The following NTNG1 variants were observed in gnomAD, a reference collection of about 807,000 sequenced individuals.
The protein encoded by NTNG1 is netrin G1.
In NTNG1, 16 loss-of-function variants were observed where a neutral mutation model predicts 54.0. That is an observed-to-expected ratio of 0.30 (90% CI 0.20 to 0.45). The LOEUF (loss-of-function observed/expected upper bound fraction) is 0.45, where lower values mean the gene tolerates loss of function less well. Among genes scored for constraint, NTNG1 ranks in the 20% least tolerant of loss-of-function variants. The pLI, the probability that NTNG1 is intolerant of heterozygous loss-of-function variation, is 1.00. For synonymous variants in NTNG1, 255 were observed against 263.1 expected (o/e 0.97, Z 0.30); for missense variants, 530 against 678.7 (o/e 0.78, Z 2.43).
intron 3 of NTNG1, among the ~76,000 whole-genome samples, chr1:107,366,587 A>G (rs767140112): frequency 6.6e-6 from 1 of 152,180 alleles, no homozygotes; most frequent in Non-Finnish European, 1.5e-5. Context: ...AGCTCTCTGT[A>G]TATGTGTTTA....
chr1:107,302,613 T>G (rs999816501), intron 2 of NTNG1, among the ~76,000 whole-genome samples: 1 of 151,900 alleles, frequency 6.6e-6, no homozygotes, highest in Non-Finnish European at 1.5e-5. Flanking sequence ...CAGTAGTGAG[T>G]CTTAATATAT....
intron 3 of NTNG1, among the ~76,000 whole-genome samples, chr1:107,388,027 G>A (rs931612784): frequency 1.3e-5 from 2 of 152,128 alleles, no homozygotes; most frequent in African/African-American, 4.8e-5. Context: ...TTTATAGTCT[G>A]TAGTTATTCT....
chr1:107,186,143 C>A (rs973101969), intron 2 of NTNG1, among the ~76,000 whole-genome samples: 3 of 152,074 alleles, frequency 2.0e-5, no homozygotes, highest in Admixed American at 1.3e-4. Flanking sequence ...TTAGTTATTT[C>A]ACTTAGGATA....
intron 7 of NTNG1, among the ~76,000 whole-genome samples, chr1:107,439,919 A>G (rs1675863196): frequency 6.6e-6 from 1 of 151,964 alleles, no homozygotes; most frequent in African/African-American, 2.4e-5. Flanking sequence ...AATGCACTCA[A>G]AAATGCCCCT....
At chr1:107,272,668 T>A (rs1242242040) in intron 2 of NTNG1, among the ~76,000 whole-genome samples, 1 of 152,170 alleles carries the variant, frequency 6.6e-6, no homozygotes, top group Non-Finnish European at 1.5e-5. Context: ...CATTTCCCCA[T>A]GTATACAGTT....
At chr1:107,413,374 G>A (rs1673972274) in intron 5 of NTNG1, among the ~76,000 whole-genome samples, 1 of 151,876 alleles carries the variant, frequency 6.6e-6, no homozygotes, top group Non-Finnish European at 1.5e-5. Flanking sequence ...CACCCTATTA[G>A]CCAGGATGGT....
At chr1:107,250,546 A>T (rs145932599) in intron 2 of NTNG1, among the ~76,000 whole-genome samples, 1,727 of 148,154 alleles carry the variant, frequency 0.012, 31 homozygotes, top group African/African-American at 0.041. Context: ...GTATCCCAGA[A>T]CTGAAAGTAT....
chr1:107,378,472 C>T (rs1671438102), intron 3 of NTNG1, among the ~76,000 whole-genome samples: 1 of 152,188 alleles, frequency 6.6e-6, no homozygotes, highest in Non-Finnish European at 1.5e-5. Context: ...GATGGATACA[C>T]ATTGGTCTTG....
At chr1:107,356,964 C>CT (rs1380705955) in intron 3 of NTNG1, among the ~76,000 whole-genome samples, 1 of 152,124 alleles carries the variant, frequency 6.6e-6, no homozygotes, top group Non-Finnish European at 1.5e-5. Flanking sequence ...GATCATGCCA[C>CT]TGCACTCCAG....
intron 2 of NTNG1, among the ~76,000 whole-genome samples, chr1:107,180,401 T>C (rs1047933194): frequency 1.3e-5 from 2 of 152,154 alleles, no homozygotes; most frequent in Non-Finnish European, 2.9e-5. Context: ...GCATTTTACA[T>C]CAAGACTCAG....
intron 2 of NTNG1, among the ~76,000 whole-genome samples, chr1:107,235,286 C>T (rs573087997): frequency 8.6e-4 from 131 of 151,884 alleles, no homozygotes; most frequent in African/African-American, 2.9e-3. Flanking sequence ...TCCATGGACC[C>T]ACTGGACTTT....
intron 3 of NTNG1, among the ~76,000 whole-genome samples, chr1:107,393,273 A>C (rs1672476156): frequency 6.6e-6 from 1 of 152,186 alleles, no homozygotes; most frequent in Non-Finnish European, 1.5e-5. Context: ...ATATGGTGCT[A>C]AATCAGTATA....
intron 3 of NTNG1, among the ~76,000 whole-genome samples, chr1:107,358,665 G>GA (rs200994855): frequency 0.095 from 13,519 of 142,808 alleles, 711 homozygotes; most frequent in East Asian, 0.16. Context: ...ATCATTCCAG[G>GA]AAAAAAAAAA....
chr1:107,377,893 A>G (rs1671399407), intron 3 of NTNG1, among the ~76,000 whole-genome samples: 1 of 152,232 alleles, frequency 6.6e-6, no homozygotes, highest in Non-Finnish European at 1.5e-5. Context: ...GGGCATTCCC[A>G]ACAAGAGTGG....
At chr1:107,152,706 T>C (rs1329030576) in intron 2 of NTNG1, among the ~76,000 whole-genome samples, 1 of 152,146 alleles carries the variant, frequency 6.6e-6, no homozygotes, top group Non-Finnish European at 1.5e-5. Context: ...TATTAAAAAG[T>C]CTTCTGTGCA....
intron 3 of NTNG1, among the ~76,000 whole-genome samples, chr1:107,368,219 T>C (rs527934684): frequency 3.9e-5 from 6 of 152,228 alleles, no homozygotes; most frequent in Admixed American, 1.3e-4. Context: ...CTTCCTTCTG[T>C]TTCTCCCCTC....
chr1:107,310,412 A>G (rs901841840), intron 2 of NTNG1, among the ~76,000 whole-genome samples: 5 of 152,180 alleles, frequency 3.3e-5, no homozygotes, highest in Non-Finnish European at 7.4e-5. Context: ...AACATCTAAC[A>G]TAGTGCTTGG....
At position 107,478,839 on chromosome 1, in the gene NTNG1, C is replaced by T. The variant is rs115949638; in HGVS notation, c.1391-1772C>T. ...ATATGCTTTCCAAATTAACTAAAGC[C>T]AAAAAACAAGAGCTTTTGTCAGTTT... On this transcript the variant is annotated intron_variant, in intron 7 of 7. Coordinates refer to ENST00000370068, the MANE Select transcript of NTNG1 (RefSeq NM_001113226.3). Among the ~76,000 whole-genome samples, 435 of 152,272 alleles carry T rather than the reference C, an allele frequency of 2.9e-3. 2 individuals carry two copies. The highest frequency in any genetic ancestry group is 9.4e-3 in the African/African-American group (392 of 41,554).
intron 7 of NTNG1, among the ~76,000 whole-genome samples, chr1:107,473,299 G>A (rs1384608483): frequency 6.6e-6 from 1 of 152,116 alleles, no homozygotes; most frequent in Admixed American, 6.5e-5. Flanking sequence ...GTATAACGTT[G>A]AACAAAACCC....
Sources: allele counts gnomAD v4.1 joint callset (sites outside exome capture counted in the v4.1 genomes callset), GRCh38; gene constraint gnomAD v4.1.1; transcripts MANE v1.5; gene names NCBI Gene and HGNC (gene_info 2026-07-23, HGNC 2026-07-21).